Variants in NUP58 observed in about 807,000 individuals in gnomAD.
The protein encoded by NUP58 is nucleoporin p58/p45.
NUP58 carries 17 observed loss-of-function variants against 70.1 expected under a neutral mutation model. The observed-to-expected ratio is 0.24, with a 90% confidence interval of 0.17 to 0.36. The LOEUF is 0.36. Ranked by LOEUF, NUP58 falls within the 10% of genes least tolerant of loss-of-function variation. The pLI, the probability that NUP58 is intolerant of heterozygous loss-of-function variation, is 1.00. For synonymous variants in NUP58, 275 were observed against 257.6 expected (o/e 1.07, Z -0.65); for missense variants, 644 against 701.5 (o/e 0.92, Z 0.93).
intron 1 of NUP58, among the ~76,000 whole-genome samples, chr13:25,303,898 A>G (rs150617981): frequency 3.5e-4 from 54 of 152,362 alleles, no homozygotes; most frequent in Middle Eastern, 3.4e-3. Context: ...GTAATAAGCT[A>G]TAAAAAATTA....
intron 14 of NUP58, 67 bp downstream of exon 14, chr13:25,337,101 A>C: frequency 9.5e-7 from 1 of 1,049,122 alleles, no homozygotes; most frequent in Non-Finnish European, 1.3e-6. Flanking sequence ...AGCCTGTAAA[A>C]AAAAATTTCT....
At position 25,323,154 on chromosome 13, in the gene NUP58, A is replaced by G. The variant is rs553090523; in HGVS notation, c.952-1835A>G. Among the ~76,000 whole-genome samples, 4 of 152,276 alleles carry G rather than the reference A, an allele frequency of 2.6e-5. No homozygotes were observed. The South Asian group carries it at 8.3e-4, about 32-fold the overall frequency. On this transcript the variant is annotated intron_variant, in intron 9 of 15. Coordinates refer to ENST00000381736, the MANE Select transcript of NUP58 (RefSeq NM_014089.4). ...GTCTAGTAGGGTGAATGAAATAATAAAAGATTGAGAAGAGCATAAAGGTGG... is the reference window on the plus strand; with the variant it reads ...GTCTAGTAGGGTGAATGAAATAATAGAAGATTGAGAAGAGCATAAAGGTGG...
At chr13:25,337,330 CTT>C (rs2031821567) in intron 14 of NUP58, among the ~76,000 whole-genome samples, 1 of 152,050 alleles carries the variant, frequency 6.6e-6, no homozygotes, top group Non-Finnish European at 1.5e-5. Flanking sequence ...TTTTAATCAT[CTT>C]AATTAAAAAT....
At chr13:25,338,573 GT>G in intron 14 of NUP58, 62 bp from the exon 15 acceptor site, 1 of 1,219,524 alleles carries the variant, frequency 8.2e-7, no homozygotes, top group South Asian at 1.2e-5. Flanking sequence ...GGTTGTACTT[GT>G]CCATATCCTT....
chr13:25,321,018 G>A lies in NUP58; in HGVS notation c.876G>A (p.Gln292=). The A allele has an allele frequency of 6.3e-7, 1 of 1,599,792 alleles. No individual in the cohort carries two copies. The highest frequency in any genetic ancestry group is 8.5e-7 in the Non-Finnish European group (1 of 1,175,086). The change falls in exon 9 of 16, where the codon CAG becomes CAA. Residue 292 remains glutamine, a synonymous_variant. Coordinates refer to ENST00000381736, the MANE Select transcript of NUP58 (RefSeq NM_014089.4). ...KVQEDIKALK[Q]LLSLAANGIQ... is the part of the protein sequence containing the mutation. ...AAGAAGATATTAAAGCTCTGAAGCA[G>A]CTCCTGTCGTTGGCTGCCAATGGAA...
intron 10 of NUP58, among the ~76,000 whole-genome samples, chr13:25,326,184 A>C (rs2031387371): frequency 6.6e-6 from 1 of 152,202 alleles, no homozygotes; most frequent in South Asian, 2.1e-4. Context: ...TTGGCATGAG[A>C]TGTGCTTCCT....
chr13:25,345,369 G>A (rs1209802421), downstream of NUP58, among the ~76,000 whole-genome samples: 2 of 115,672 alleles, frequency 1.7e-5, no homozygotes, highest in Non-Finnish European at 3.6e-5. Context: ...TCATATGGGG[G>A]AAACTACAAG....
In NUP58 at chr13:25,340,431, T is replaced by G; in HGVS notation, c.*297T>G. 1 of 217,536 alleles carries G rather than the reference T, an allele frequency of 4.6e-6. No individual in the cohort carries two copies. The highest frequency in any genetic ancestry group is 8.9e-6 in the Non-Finnish European group (1 of 111,978). 13.5% of individuals were successfully genotyped at this position (217,536 alleles called of 1,614,324 possible). On this transcript the variant is annotated 3_prime_UTR_variant, in exon 16 of 16. Transcript: ENST00000381736. Reference sequence around the variant, plus strand: ...TTAACCTAAAACTTACTATTTAACCTAGTGTTTTTGTTGATGAGGTTTACA... The same window carrying G: ...TTAACCTAAAACTTACTATTTAACCGAGTGTTTTTGTTGATGAGGTTTACA...
chr13:25,335,215 T>G (rs2031738979), intron 13 of NUP58: 2 of 984,916 alleles, frequency 2.0e-6, no homozygotes, highest in Non-Finnish European at 2.4e-6. Context: ...TTGTCATCAT[T>G]AGATATGAGT....
At chr13:25,345,135 A>G (rs972849474), downstream of NUP58, among the ~76,000 whole-genome samples, 1 of 152,198 alleles carries the variant, frequency 6.6e-6, no homozygotes, top group East Asian at 1.9e-4. Context: ...TTTAGTCTGA[A>G]TATTACTGTG....
Position 25,337,043 on chromosome 13 carries a change from T to C in NUP58, c.1534+9T>C, listed in dbSNP as rs1054081390. ...TTCTTCAAACCTTGGAGGTACACTT[T>C]AACTTTTCTAATATTTCATTGAACT... On this transcript the variant is annotated intron_variant, in intron 14 of 15. Transcript: ENST00000381736. 6.4e-7 allele frequency: 1 copy of C among 1,558,684 alleles called. No homozygotes were observed. The highest frequency in any genetic ancestry group is 8.7e-7 in the Non-Finnish European group (1 of 1,145,690).
chr13:25,313,513 T>G (rs1200772091), intron 4 of NUP58, 101 bp from the exon 5 acceptor site: 1 of 1,150,466 alleles, frequency 8.7e-7, no homozygotes, highest in Non-Finnish European at 1.2e-6. Context: ...AAGAGCCAAT[T>G]TTATCATGGA....
chr13:25,305,092 C>T (rs896389476), intron 1 of NUP58, among the ~76,000 whole-genome samples: 3 of 148,724 alleles, frequency 2.0e-5, no homozygotes, highest in Admixed American at 1.3e-4. Flanking sequence ...GTTAAAAATA[C>T]CTTTTAAATT....
rs1182065240 is a variant in NUP58, at chr13:25,313,119, A to G, written c.436+87A>G. ...AACATAGATAGTCACCTTACTACAG[A>G]AATTATTGATTTATAAAGAAGAAAA... On this transcript the variant is annotated intron_variant, in intron 4 of 15. Transcript: ENST00000381736. 2.1e-6 allele frequency: 3 copies of G among 1,423,096 alleles called. No individual in the cohort carries two copies. In the East Asian group the frequency reaches 6.9e-5, roughly 33 times the overall value. 88.2% of individuals were successfully genotyped at this position (1,423,096 alleles called of 1,614,324 possible). A position where few individuals can be genotyped will look rare whatever the true frequency, so the allele number is the denominator to read the frequency against.
chr13:25,310,399 T>TAGTAGAGATGGGGTTTCTCCATGTTGGTC (rs2030602402), intron 3 of NUP58, among the ~76,000 whole-genome samples: 2 of 151,748 alleles, frequency 1.3e-5, no homozygotes, highest in Admixed American at 1.3e-4. Context: ...TTTGTATTTT[T>TAGTAGAGATGGGGTTTCTCCATGTTGGTC]AGTAGAGATG....
At chr13:25,328,464 T>C (rs1368422777) in intron 12 of NUP58, among the ~76,000 whole-genome samples, 2 of 149,152 alleles carry the variant, frequency 1.3e-5, no homozygotes, top group Non-Finnish European at 3.0e-5. Flanking sequence ...GGCATGATCT[T>C]GGTTCACTGC....
At chr13:25,339,055 CATT>C (rs1566073379) in intron 15 of NUP58, among the ~76,000 whole-genome samples, 2 of 152,162 alleles carry the variant, frequency 1.3e-5, no homozygotes, top group African/African-American at 4.8e-5. Context: ...AGGAACCCAT[CATT>C]GTGAAAGTTT....
At chr13:25,336,791 C>A (rs1442651870) in intron 13 of NUP58, 145 bp from the exon 14 acceptor site, 12 of 569,702 alleles carry the variant, frequency 2.1e-5, no homozygotes, top group Non-Finnish European at 3.3e-5. Context: ...GAGAGACATC[C>A]TGAAAACTAA....
chr13:25,334,762 A>G (rs2031724578), intron 13 of NUP58: 1 of 983,918 alleles, frequency 1.0e-6, no homozygotes, highest in South Asian at 4.7e-5. Context: ...AGTAAAATTT[A>G]TTCTGGAAAA....
Sources: allele counts gnomAD v4.1 joint callset (sites outside exome capture counted in the v4.1 genomes callset), GRCh38; gene constraint gnomAD v4.1.1; transcripts MANE v1.5; gene names NCBI Gene and HGNC (gene_info 2026-07-23, HGNC 2026-07-21).